The following DNAJC1 variants were observed in gnomAD, a reference collection of about 807,000 sequenced individuals.
DNAJC1 encodes the protein DnaJ heat shock protein family (Hsp40) member C1, also known as dnaJ homolog subfamily C member 1.
DNAJC1 carries 58 observed loss-of-function variants against 76.6 expected under a neutral mutation model. That is an observed-to-expected ratio of 0.76 (90% confidence interval 0.61 to 0.94). The LOEUF is 0.94. Ranked by LOEUF, DNAJC1 falls within the 40% of genes least tolerant of loss-of-function variation. DNAJC1 has a pLI of 0.00. For missense variants in DNAJC1, 689 were observed against 677.3 expected, an observed-to-expected ratio of 1.02 and a Z score of -0.19; for synonymous variants, 258 against 267.9, an observed-to-expected ratio of 0.96 and a Z score of 0.36.
intron 1 of DNAJC1, among the ~76,000 whole-genome samples, chr10:21,936,908 T>C (rs1837320867): frequency 6.6e-6 from 1 of 151,928 alleles, no homozygotes; most frequent in African/African-American, 2.4e-5. Context: ...AATAGCAAAA[T>C]AGCAAAAGTA....
chr10:21,887,696 G>A (rs928808409), intron 7 of DNAJC1, among the ~76,000 whole-genome samples: 7 of 152,146 alleles, frequency 4.6e-5, no homozygotes, highest in Non-Finnish European at 8.8e-5. Flanking sequence ...GCAGAAGATT[G>A]AAACTGGACC....
At chr10:21,813,220 C>CTATATA (rs777283982) in intron 8 of DNAJC1, among the ~76,000 whole-genome samples, 229 of 19,054 alleles carry the variant, frequency 0.012, 20 homozygotes, top group Non-Finnish European at 0.015. Context: ...CTCTCTCTCT[C>CTATATA]TATATATATA....
intron 1 of DNAJC1, among the ~76,000 whole-genome samples, chr10:21,930,228 G>A (rs1023935255): frequency 3.3e-5 from 5 of 152,120 alleles, no homozygotes; most frequent in African/African-American, 7.2e-5. Flanking sequence ...CAACAGCCTC[G>A]GCCTCCCAAA....
At chr10:21,990,664 T>C (rs1294174052) in intron 1 of DNAJC1, among the ~76,000 whole-genome samples, 1 of 152,152 alleles carries the variant, frequency 6.6e-6, no homozygotes, top group Admixed American at 6.5e-5. Context: ...CAGAAGAGAC[T>C]CCTATATAAG....
chr10:21,771,509 T>G (rs1263904322), intron 9 of DNAJC1, among the ~76,000 whole-genome samples: 1 of 152,210 alleles, frequency 6.6e-6, no homozygotes, highest in Non-Finnish European at 1.5e-5. Flanking sequence ...AAACACTTTT[T>G]TTTTTTTGAG....
At chr10:21,847,059 T>C (rs1835672012) in intron 8 of DNAJC1, among the ~76,000 whole-genome samples, 1 of 152,080 alleles carries the variant, frequency 6.6e-6, no homozygotes, top group Non-Finnish European at 1.5e-5. Context: ...CTAGGTCCCT[T>C]CCCCTTTTCT....
chr10:21,869,823 C>CAAAAGATGT (rs1836073071), intron 8 of DNAJC1, among the ~76,000 whole-genome samples: 1 of 151,984 alleles, frequency 6.6e-6, no homozygotes, highest in Non-Finnish European at 1.5e-5. Context: ...TGACATTGTA[C>CAAAAGATGT]TACAGTTACA....
intron 9 of DNAJC1, among the ~76,000 whole-genome samples, chr10:21,769,281 T>C (rs968671244): frequency 6.6e-6 from 1 of 152,172 alleles, no homozygotes; most frequent in Non-Finnish European, 1.5e-5. Flanking sequence ...GATCCTCAGA[T>C]CTGAAAAGGA....
At chr10:21,934,585 T>C (rs1837282148) in intron 1 of DNAJC1, among the ~76,000 whole-genome samples, 2 of 152,192 alleles carry the variant, frequency 1.3e-5, no homozygotes, top group Non-Finnish European at 2.9e-5. Context: ...TTATACTGTA[T>C]TTTTACTATG....
At position 22,003,633 on chromosome 10, in the gene DNAJC1, G is replaced by A. The variant is rs539447052; in HGVS notation, c.-199C>T. On this transcript the variant is annotated 5_prime_UTR_variant, in exon 1 of 12. Transcript: ENST00000376980. ...CGGCTGCCGGACGGGCGGGTGGGTA[G>A]GCGGGCGGGGCCGCAGCCAGCGCTA... 4 of 508,674 alleles carry A rather than the reference G, an allele frequency of 7.9e-6. No homozygotes were observed. The highest frequency in any genetic ancestry group is 6.1e-6 in the Non-Finnish European group (2 of 326,844). 31.5% of individuals were successfully genotyped at this position (508,674 alleles called of 1,614,324 possible).
intron 8 of DNAJC1, among the ~76,000 whole-genome samples, chr10:21,843,553 C>T (rs1182712406): frequency 5.3e-5 from 8 of 151,884 alleles, no homozygotes; most frequent in African/African-American, 1.7e-4. Flanking sequence ...GCCACCATGC[C>T]CAGCTAATTT....
chr10:21,875,170 C>G (rs1836165220), intron 8 of DNAJC1, among the ~76,000 whole-genome samples: 3 of 152,204 alleles, frequency 2.0e-5, no homozygotes, highest in African/African-American at 7.2e-5. Context: ...CTTCAGCCAC[C>G]ACGCCCAGCG....
chr10:21,766,164 A>G, intron 10 of DNAJC1, 97 bp downstream of exon 10: 1 of 986,668 alleles, frequency 1.0e-6, no homozygotes. Flanking sequence ...ATTAGGCAAA[A>G]CTTCTAGACC....
chr10:21,773,474 T>C (rs1834414198), intron 9 of DNAJC1, among the ~76,000 whole-genome samples: 1 of 152,234 alleles, frequency 6.6e-6, no homozygotes, highest in Non-Finnish European at 1.5e-5. Context: ...AATTTCATTC[T>C]ACTGGAATTA....
chr10:21,935,703 GA>G (rs969453703), intron 1 of DNAJC1, among the ~76,000 whole-genome samples: 6 of 151,772 alleles, frequency 4.0e-5, no homozygotes, highest in Admixed American at 6.6e-5. Flanking sequence ...AATGTTAAAA[GA>G]AAGAGTCCCG....
chr10:21,884,133 G>A lies in DNAJC1; in HGVS notation c.821-1694C>T, dbSNP rs190289025. The stretch of plus-strand genomic sequence containing the variant: ...ATGCTGTTACAAAAAAGATAAAAGA[G>A]TAAACAAATCAAGAGACAAATAATA... On this transcript the variant is annotated intron_variant, in intron 7 of 11. Coordinates refer to ENST00000376980, the MANE Select transcript of DNAJC1 (RefSeq NM_022365.4). Among the ~76,000 whole-genome samples, 332 of 152,098 alleles carry A rather than the reference G, an allele frequency of 2.2e-3. 3 individuals carry two copies. Among genetic ancestry groups the A allele is most frequent in the African/African-American group, 7.6e-3 (316 of 41,504 alleles).
At chr10:21,806,778 T>G (rs1021603577) in intron 8 of DNAJC1, among the ~76,000 whole-genome samples, 1 of 152,088 alleles carries the variant, frequency 6.6e-6, no homozygotes, top group Non-Finnish European at 1.5e-5. Flanking sequence ...ATCAAGTCCA[T>G]GTAAAGCAGC....
At chr10:21,913,016 A>G (rs1245170726) in intron 6 of DNAJC1, among the ~76,000 whole-genome samples, 2 of 150,460 alleles carry the variant, frequency 1.3e-5, no homozygotes, top group Non-Finnish European at 3.0e-5. Flanking sequence ...GGTAAAAGCC[A>G]GAGCTGTACA....
chr10:21,951,742 T>C (rs1173993875), intron 1 of DNAJC1, among the ~76,000 whole-genome samples: 5 of 152,230 alleles, frequency 3.3e-5, no homozygotes, highest in African/African-American at 4.8e-5. Context: ...AGTGGCATAA[T>C]AGTTCCTTAA....
Sources: gnomAD v4.1 joint callset for allele counts (sites outside exome capture counted in the v4.1 genomes callset) on GRCh38, gnomAD v4.1.1 for gene constraint, MANE v1.5 for transcripts, NCBI Gene and HGNC (gene_info 2026-07-23, HGNC 2026-07-21) for gene names.